Variants in RAP1GAP2 observed in about 807,000 individuals in gnomAD.
RAP1GAP2 encodes rap1 GTPase-activating protein 2.
A neutral mutation model predicts 95.0 loss-of-function variants in RAP1GAP2; 27 were observed. That is an observed-to-expected ratio of 0.28 (90% CI 0.21 to 0.39). The LOEUF (loss-of-function observed/expected upper bound fraction) is 0.39. Among genes scored for constraint, RAP1GAP2 ranks in the 10% least tolerant of loss-of-function variants. RAP1GAP2 has a pLI of 1.00. For synonymous variants in RAP1GAP2, 373 were observed against 380.9 expected, an observed-to-expected ratio of 0.98 and a Z score of 0.24; for missense variants, 771 against 970.0, an observed-to-expected ratio of 0.79 and a Z score of 2.72.
At chr17:2,886,750 C>A (rs1000298821) in intron 2 of RAP1GAP2, among the ~76,000 whole-genome samples, 2 of 152,104 alleles carry the variant, frequency 1.3e-5, no homozygotes, top group Non-Finnish European at 2.9e-5. Context: ...ATGAATGAGC[C>A]CAGTGGCTCA....
intron 3 of RAP1GAP2, among the ~76,000 whole-genome samples, chr17:2,952,004 A>T (rs2043940820): frequency 6.6e-6 from 1 of 151,976 alleles, no homozygotes; most frequent in Admixed American, 6.6e-5. Flanking sequence ...ACTGCACTCC[A>T]GCCTGGGCGA....
chr17:3,037,377 C>CCCCCCCCCCCG lies in RAP1GAP2; in HGVS notation c.*4016_*4017insCCCCCCCCCCG, dbSNP rs879226258. 1 of 54,998 alleles carries CCCCCCCCCCCG rather than the reference C, an allele frequency of 1.8e-5. No individual in the cohort carries two copies. The highest frequency in any genetic ancestry group is 5.6e-5 in the Non-Finnish European group (1 of 17,978). The allele number at this position is 54,998 out of a possible 1,614,324, so 3.4% of individuals were successfully genotyped here. A position where few individuals can be genotyped will look rare whatever the true frequency, so the allele number is the denominator to read the frequency against. ...GAAGTGTGAACTACCCCCCCCCCCC[C>CCCCCCCCCCCG]GCTTCCTGCTCCTTAGCATGCGTGC... On this transcript the variant is annotated 3_prime_UTR_variant, in exon 25 of 25. Coordinates refer to ENST00000254695, the MANE Select transcript of RAP1GAP2 (RefSeq NM_015085.5).
At chr17:2,822,738 C>A (rs774926851) in intron 2 of RAP1GAP2, among the ~76,000 whole-genome samples, 1 of 144,954 alleles carries the variant, frequency 6.9e-6, no homozygotes, top group Non-Finnish European at 1.5e-5. Context: ...TAAGTTTTAG[C>A]GTACATGTGC....
intron 2 of RAP1GAP2, among the ~76,000 whole-genome samples, chr17:2,862,996 C>CAAAAAAAAAA: frequency 2.0e-5 from 1 of 49,014 alleles, no homozygotes; most frequent in Non-Finnish European, 3.9e-5. Context: ...GACTCTGTCT[C>CAAAAAAAAAA]AAAAAAAAAA....
At chr17:3,021,678 A>G (rs1361745916) in intron 19 of RAP1GAP2, among the ~76,000 whole-genome samples, 1 of 151,662 alleles carries the variant, frequency 6.6e-6, no homozygotes, top group Non-Finnish European at 1.5e-5. Flanking sequence ...CAAGTGATCC[A>G]CCCGCCTTGG....
rs531596217 is a variant in RAP1GAP2 at position 2,784,972 on chromosome 17, C to T, written c.-14+7694C>T. Among the ~76,000 whole-genome samples the T allele has an allele frequency of 1.8e-3, 275 of 152,318 alleles. 1 individual carries two copies. The highest frequency in any genetic ancestry group is 5.7e-3 in the African/African-American group (239 of 41,574). ...CTGTGTTTGAGCTGAGGGAGCTCTC[C>T]GCTTCTCCCTGTCCCTGCCGCCTGC... On this transcript the variant is annotated intron_variant, in intron 1 of 24. Coordinates refer to the RAP1GAP2 transcript ENST00000540393.
chr17:2,860,075 C>G (rs2072314214), intron 2 of RAP1GAP2, among the ~76,000 whole-genome samples: 1 of 152,114 alleles, frequency 6.6e-6, no homozygotes, highest in Admixed American at 6.6e-5. Flanking sequence ...GCAGGCAGCC[C>G]CATGAGCTGG....
intron 1 of RAP1GAP2, among the ~76,000 whole-genome samples, chr17:2,777,718 A>G (rs1399054772): frequency 6.6e-6 from 1 of 152,150 alleles, no homozygotes; most frequent in Non-Finnish European, 1.5e-5. Context: ...CTTGTATGCC[A>G]GTGGGGTTTG....
At chr17:2,808,456 G>A (rs764307983) in intron 2 of RAP1GAP2, among the ~76,000 whole-genome samples, 3 of 152,182 alleles carry the variant, frequency 2.0e-5, no homozygotes, top group Non-Finnish European at 4.4e-5. Flanking sequence ...TGTTTGGTCT[G>A]TCTGAGACCC....
chr17:2,892,911 G>A (rs1035542832), intron 2 of RAP1GAP2, among the ~76,000 whole-genome samples: 7 of 151,960 alleles, frequency 4.6e-5, no homozygotes, highest in African/African-American at 7.3e-5. Context: ...TTTCTTGGTC[G>A]GCTATTTGAT....
At chr17:2,770,910 A>C (rs1403961772) in intron 2 of RAP1GAP2, among the ~76,000 whole-genome samples, 1 of 152,052 alleles carries the variant, frequency 6.6e-6, no homozygotes, top group African/African-American at 2.4e-5. Context: ...GCGTGGTGGC[A>C]CATGCCTGTA....
chr17:2,787,150 C>T (rs183883693), intron 1 of RAP1GAP2, among the ~76,000 whole-genome samples: 57 of 151,702 alleles, frequency 3.8e-4, no homozygotes, highest in Non-Finnish European at 5.9e-4. Flanking sequence ...AGGGTTTTAC[C>T]ATGTTGGCCA....
chr17:2,803,806 G>A (rs925507617), intron 2 of RAP1GAP2, among the ~76,000 whole-genome samples: 14 of 152,190 alleles, frequency 9.2e-5, no homozygotes, highest in African/African-American at 3.1e-4. Flanking sequence ...TTGAACCCAG[G>A]AGGTGGAGGT....
intron 2 of RAP1GAP2, among the ~76,000 whole-genome samples, chr17:2,806,441 G>A (rs969798770): frequency 1.4e-5 from 2 of 147,836 alleles, no homozygotes; most frequent in Non-Finnish European, 3.0e-5. Flanking sequence ...CGCCCAGTCT[G>A]GAGTGCAGTG....
At chr17:3,018,581 T>C (rs2046855127) in intron 18 of RAP1GAP2, among the ~76,000 whole-genome samples, 2 of 152,296 alleles carry the variant, frequency 1.3e-5, no homozygotes, top group Admixed American at 6.5e-5. Context: ...TTATTATTAA[T>C]GGCAGCAGTA....
chr17:2,887,404 C>T (rs1597514705), intron 2 of RAP1GAP2, among the ~76,000 whole-genome samples: 6 of 147,656 alleles, frequency 4.1e-5, no homozygotes, highest in South Asian at 4.3e-4. Flanking sequence ...GATGGAGTTT[C>T]GCTCTTGTTG....
chr17:2,820,258 G>A (rs907093323), intron 2 of RAP1GAP2, among the ~76,000 whole-genome samples: 5 of 152,228 alleles, frequency 3.3e-5, no homozygotes, highest in African/African-American at 1.2e-4. Flanking sequence ...TTTGTGTGAG[G>A]TCATGAGGGG....
At chr17:2,951,487 GGC>G (rs1431745391) in intron 3 of RAP1GAP2, among the ~76,000 whole-genome samples, 1 of 152,232 alleles carries the variant, frequency 6.6e-6, no homozygotes, top group African/African-American at 2.4e-5. Flanking sequence ...GGGAGGCTGA[GGC>G]GGGAGGATCG....
rs2042069688 is a variant in RAP1GAP2, at chr17:2,902,843, G to T, written c.81-2441G>T. Among the ~76,000 whole-genome samples, 1 of 152,112 alleles carries T rather than the reference G, an allele frequency of 6.6e-6. No individual in the cohort carries two copies. The highest frequency in any genetic ancestry group is 1.5e-5 in the Non-Finnish European group (1 of 68,024). ...AGAGGGGCTCAGCTCAGGGAGTGTT[G>T]GATGCTGCGCCCTTTTGACCGGGAC... On this transcript the variant is annotated intron_variant, in intron 2 of 24. Coordinates refer to ENST00000254695, the MANE Select transcript of RAP1GAP2 (RefSeq NM_015085.5). This position sits in a 1 kb window ranked among gnomAD's most constrained non-coding sequence, Gnocchi z 4.1.
Sources: gnomAD v4.1 joint callset for allele counts (sites outside exome capture counted in the v4.1 genomes callset) on GRCh38, gnomAD v4.1.1 for gene constraint, Gnocchi (gnomAD v3.1) non-coding constraint, MANE v1.5 for transcripts, NCBI Gene and HGNC (gene_info 2026-07-23, HGNC 2026-07-21) for gene names.